Variants in SLC5A4 observed in about 807,000 individuals in gnomAD.
SLC5A4 encodes the protein solute carrier family 5 member 4.
SLC5A4 carries 55 observed loss-of-function variants against 70.3 expected under a neutral mutation model. That is an observed-to-expected ratio of 0.78 (90% CI 0.63 to 0.98). SLC5A4 has a LOEUF of 0.98. Ranked by LOEUF, SLC5A4 falls within the 50% of genes least tolerant of loss-of-function variation. SLC5A4 has a pLI of 0.00. For synonymous variants in SLC5A4, 268 were observed against 305.7 expected (o/e 0.88, Z 1.29); for missense variants, 735 against 839.2 (o/e 0.88, Z 1.53).
the SLC5A4 span, among the ~76,000 whole-genome samples, chr22:32,320,653 A>T: frequency 6.6e-6 from 1 of 152,180 alleles, no homozygotes; most frequent in Non-Finnish European, 1.5e-5. Context: ...CCTGAACCTT[A>T]GTCTTGAATT....
the SLC5A4 span, chr22:32,270,737 G>A: frequency 1.1e-5 from 7 of 632,734 alleles, no homozygotes; most frequent in African/African-American, 1.8e-5. Flanking sequence ...CTGGTCACCC[G>A]CAACATGCAG....
At chr22:32,256,515 A>G (rs957345948), upstream of SLC5A4, among the ~76,000 whole-genome samples, 1 of 152,100 alleles carries the variant, frequency 6.6e-6, no homozygotes, top group Non-Finnish European at 1.5e-5. Flanking sequence ...ACCACTATCC[A>G]TTTCCAGAAC....
rs1331575381 is a variant in SLC5A4 at position 32,251,004 on chromosome 22, C to T, written c.312+766G>A. ...AGAGCATTAGAACAAATACCTGATG[C>T]ATGCATGGCTTAAAACCTAGATGAT... is the stretch of plus-strand genomic sequence containing the variant. On this transcript the variant is annotated intron_variant, in intron 3 of 14. Transcript: ENST00000266086. Among the ~76,000 whole-genome samples the T allele has an allele frequency of 3.3e-5, 5 of 151,972 alleles. No homozygotes were observed. In the East Asian group the frequency reaches 9.7e-4, roughly 29 times the overall value.
the SLC5A4 span, among the ~76,000 whole-genome samples, chr22:32,326,452 A>C: frequency 6.6e-6 from 1 of 151,704 alleles, no homozygotes; most frequent in Non-Finnish European, 1.5e-5. Context: ...AGACAGTTTC[A>C]CCCTGTTGGT....
chr22:32,229,480 GA>G, intron 10 of SLC5A4, 136 bp from the exon 11 acceptor site: 2 of 861,956 alleles, frequency 2.3e-6, no homozygotes, highest in Non-Finnish European at 3.4e-6. Flanking sequence ...TCAGCATGTG[GA>G]GTTTCCTGCA....
the SLC5A4 span, among the ~76,000 whole-genome samples, chr22:32,351,808 G>A: frequency 2.0e-5 from 3 of 148,800 alleles, no homozygotes; most frequent in Admixed American, 6.7e-5. Flanking sequence ...CTCAGTTTTG[G>A]ACTGTTGTTT....
At chr22:32,271,622 G>C in the SLC5A4 span, 3 of 654,102 alleles carry the variant, frequency 4.6e-6, no homozygotes, top group African/African-American at 1.8e-5. Context: ...TGGCTACTCA[G>C]GAGTGTTCAT....
chr22:32,290,396 A>G, the SLC5A4 span, among the ~76,000 whole-genome samples: 1 of 152,106 alleles, frequency 6.6e-6, no homozygotes, highest in Non-Finnish European at 1.5e-5. Context: ...TTCCAGCTTC[A>G]TCCTTGTCCC....
At chr22:32,303,654 T>C in the SLC5A4 span, among the ~76,000 whole-genome samples, 25 of 152,288 alleles carry the variant, frequency 1.6e-4, no homozygotes, top group African/African-American at 5.1e-4. Flanking sequence ...CTTTTTAGCA[T>C]TGAATAATCT....
chr22:32,329,492 A>G, the SLC5A4 span, among the ~76,000 whole-genome samples: 3 of 117,678 alleles, frequency 2.5e-5, no homozygotes, highest in African/African-American at 9.8e-5. Context: ...GCAGATGGGG[A>G]GGGGACGAGG....
chr22:32,351,446 G>A, the SLC5A4 span, among the ~76,000 whole-genome samples: 1 of 151,778 alleles, frequency 6.6e-6, no homozygotes, highest in African/African-American at 2.4e-5. Flanking sequence ...GCTCACGCCT[G>A]TAATCCAAGC....
chr22:32,326,743 G>C, the SLC5A4 span, among the ~76,000 whole-genome samples: 1 of 152,208 alleles, frequency 6.6e-6, no homozygotes, highest in African/African-American at 2.4e-5. Context: ...ATAGAGTTGA[G>C]GGTTTTGGGA....
chr22:32,303,084 C>T, the SLC5A4 span, among the ~76,000 whole-genome samples: 26 of 151,952 alleles, frequency 1.7e-4, no homozygotes, highest in African/African-American at 6.3e-4. Flanking sequence ...TGGGTGTGAA[C>T]CCAAAAGTCT....
At chr22:32,256,698 C>T (rs1300114549), upstream of SLC5A4, among the ~76,000 whole-genome samples, 1 of 152,198 alleles carries the variant, frequency 6.6e-6, no homozygotes, top group Non-Finnish European at 1.5e-5. Flanking sequence ...GTTTATTTCA[C>T]TTAGTATGAC....
chr22:32,321,334 C>G, the SLC5A4 span, among the ~76,000 whole-genome samples: 2 of 152,188 alleles, frequency 1.3e-5, no homozygotes, highest in African/African-American at 2.4e-5. Flanking sequence ...CACCTGTAGT[C>G]CCAGCTACTT....
intron 5 of SLC5A4, among the ~76,000 whole-genome samples, chr22:32,241,753 C>T (rs1926522327): frequency 6.7e-6 from 1 of 149,240 alleles, no homozygotes. Flanking sequence ...TAGGATTGAG[C>T]AAACAAATTT....
rs748695279 is a variant in SLC5A4 at position 32,218,612 on chromosome 22, T to G, written c.1882A>C (p.Thr628Pro). The change falls in exon 15 of 15, where the codon ACA becomes CCA. Residue 628 changes from threonine (T) to proline (P), a missense_variant. Thr to Pro is a conservative substitution (Grantham distance 38, BLOSUM62 -1). Transcript: ENST00000266086. ...EEEEALSKKL[T>P]DTSERPSWRT... ...CACGAGGGCCTCTCAGACGTGTCTG[T>G]GAGCTTCTTGCTCAAGGCTTCCTCC... The G allele has an allele frequency of 9.3e-6, 15 of 1,613,268 alleles. No homozygotes were observed. The highest frequency in any genetic ancestry group is 1.3e-5 in the Non-Finnish European group (15 of 1,179,462).
At chr22:32,333,206 CAGAAGA>C in the SLC5A4 span, among the ~76,000 whole-genome samples, 1 of 150,386 alleles carries the variant, frequency 6.6e-6, no homozygotes, top group South Asian at 2.1e-4. Flanking sequence ...ACCCCCCCCC[CAGAAGA>C]CTCAGACCAG....
chr22:32,319,987 C>T, the SLC5A4 span, among the ~76,000 whole-genome samples: 1 of 152,042 alleles, frequency 6.6e-6, no homozygotes, highest in Non-Finnish European at 1.5e-5. Flanking sequence ...AACCAGGAAG[C>T]CTCCAAGAAA....
Sources: gnomAD v4.1 joint callset for allele counts (sites outside exome capture counted in the v4.1 genomes callset) on GRCh38, gnomAD v4.1.1 for gene constraint, MANE v1.5 for transcripts, NCBI Gene and HGNC (gene_info 2026-07-23, HGNC 2026-07-21) for gene names.